The following NPHP4 variants were observed in gnomAD, a reference collection of about 807,000 sequenced individuals.
NPHP4 encodes the protein nephrocystin 4.
A neutral mutation model predicts 155.8 loss-of-function variants in NPHP4; 151 were observed. The observed-to-expected ratio is 0.97, with a 90% CI of 0.85 to 1.11. NPHP4 has a LOEUF of 1.11. Among genes scored for constraint, NPHP4 ranks in the 50% least tolerant of loss-of-function variants. The pLI, the probability that NPHP4 is intolerant of heterozygous loss-of-function variation, is 0.00. For missense variants in NPHP4, 1,956 were observed against 1,925.7 expected, an observed-to-expected ratio of 1.02 and a Z score of -0.29; for synonymous variants, 845 against 816.8, an observed-to-expected ratio of 1.03 and a Z score of -0.59.
chr1:5,888,466 CT>C, intron 17 of NPHP4: 2 of 1,206,580 alleles, frequency 1.7e-6, no homozygotes, highest in Non-Finnish European at 2.1e-6. Flanking sequence ...AGACCTGACC[CT>C]TCCCTTGTGG....
intron 3 of NPHP4, 46 bp from the exon 4 acceptor site, chr1:5,969,305 AC>A: frequency 7.3e-7 from 1 of 1,360,918 alleles, no homozygotes; most frequent in Non-Finnish European, 9.9e-7. Context: ...CAGGACACAC[AC>A]AAAGAGGACA....
chr1:5,899,498 T>C (rs1164241606), intron 16 of NPHP4, among the ~76,000 whole-genome samples: 1 of 152,044 alleles, frequency 6.6e-6, no homozygotes, highest in Admixed American at 6.6e-5. Flanking sequence ...TTGGGGGAGG[T>C]GAAGGACTGC....
intron 16 of NPHP4, among the ~76,000 whole-genome samples, chr1:5,899,181 C>A (rs1313121125): frequency 6.6e-6 from 1 of 152,162 alleles, no homozygotes; most frequent in African/African-American, 2.4e-5. Context: ...CACTACCAGG[C>A]ATATCTCTAA....
At chr1:5,981,411 A>C (rs1273069051) in intron 2 of NPHP4, among the ~76,000 whole-genome samples, 2 of 152,216 alleles carry the variant, frequency 1.3e-5, no homozygotes, top group Non-Finnish European at 2.9e-5. Context: ...CCCAATACAT[A>C]TCAAGCTGAA....
chr1:5,908,665 G>A (rs1196650057), intron 12 of NPHP4, among the ~76,000 whole-genome samples: 2 of 152,188 alleles, frequency 1.3e-5, no homozygotes, highest in African/African-American at 2.4e-5. Flanking sequence ...GGATCTGTGC[G>A]GTCGGACGTG....
At chr1:5,964,010 C>A (rs1650872640) in intron 5 of NPHP4, among the ~76,000 whole-genome samples, 1 of 152,168 alleles carries the variant, frequency 6.6e-6, no homozygotes, top group Non-Finnish European at 1.5e-5. Context: ...ACAGAAACCC[C>A]TAAGGGTCGG....
chr1:5,926,130 A>C (rs1165099898), intron 11 of NPHP4, among the ~76,000 whole-genome samples: 1 of 152,208 alleles, frequency 6.6e-6, no homozygotes, highest in Non-Finnish European at 1.5e-5. Flanking sequence ...GTTTATAAAG[A>C]TGGGATTATT....
chr1:5,925,895 G>A (rs1417397815), intron 11 of NPHP4, among the ~76,000 whole-genome samples: 1 of 152,200 alleles, frequency 6.6e-6, no homozygotes, highest in Non-Finnish European at 1.5e-5. Context: ...GATTACAGGC[G>A]TGAGCCACCG....
chr1:5,875,215 T>A (rs1642459937), intron 20 of NPHP4, 115 bp from the exon 21 acceptor site: 11 of 809,108 alleles, frequency 1.4e-5, no homozygotes, highest in South Asian at 6.1e-5. Flanking sequence ...TCCACAAGCA[T>A]CGCCACCACC....
intron 8 of NPHP4, among the ~76,000 whole-genome samples, 198 bp from the exon 9 acceptor site, chr1:5,947,428 G>T (rs114351158): frequency 2.1e-3 from 326 of 152,360 alleles, no homozygotes; most frequent in African/African-American, 7.5e-3. Context: ...CTTTTTAAGA[G>T]ATGGGGGTCT....
intron 10 of NPHP4, among the ~76,000 whole-genome samples, chr1:5,931,461 C>T (rs1030434064): frequency 4.0e-5 from 6 of 151,340 alleles, no homozygotes; most frequent in South Asian, 2.1e-4. Context: ...TATTGCTGGC[C>T]GGGTGCAGTG....
chr1:5,924,585 T>C lies in NPHP4; in HGVS notation c.1441+3064A>G, dbSNP rs562279589. 2.4e-3 allele frequency among the ~76,000 whole-genome samples: 358 copies of C among 152,308 alleles called. 1 individual carries two copies. The highest frequency in any genetic ancestry group is 8.4e-3 in the African/African-American group (351 of 41,552). The stretch of plus-strand genomic sequence containing the variant: ...AGCAGGATCAGCCCATCAGAGTTTA[T>C]AGTTAATTTGATTAGAAGGTCTTCA... On this transcript the variant is annotated intron_variant, in intron 11 of 29. Transcript: ENST00000378156.
intron 3 of NPHP4, among the ~76,000 whole-genome samples, chr1:5,975,372 G>C (rs1204346885): frequency 6.6e-6 from 1 of 152,176 alleles, no homozygotes; most frequent in Non-Finnish European, 1.5e-5. Flanking sequence ...TGCCCACACG[G>C]GGCATAGCAG....
chr1:5,985,668 T>C lies in NPHP4; in HGVS notation c.135+487A>G, dbSNP rs562625158. Among the ~76,000 whole-genome samples, 15 of 152,342 alleles carry C rather than the reference T, an allele frequency of 9.8e-5. 1 individual carries two copies. The South Asian group carries it at 2.5e-3, about 25-fold the overall frequency. On this transcript the variant is annotated intron_variant, in intron 2 of 29. Coordinates refer to ENST00000378156, the MANE Select transcript of NPHP4 (RefSeq NM_015102.5). ...AAGTGCTGACCATGTCATTGAATCA[T>C]AGATTCTCTTTGCTGATGGGCCACT... is the stretch of plus-strand genomic sequence containing the variant.
chr1:5,992,031 G>C (rs34031616), intron 1 of NPHP4, among the ~76,000 whole-genome samples: 27,583 of 151,750 alleles, frequency 0.18, 2,711 homozygotes, highest in African/African-American at 0.26. Flanking sequence ...GTCCCGACGA[G>C]GGGGGACGCC....
At position 5,927,675 on chromosome 1, in the gene NPHP4, G is replaced by C; in HGVS notation, c.1415C>G (p.Ser472Cys). 6.2e-7 allele frequency: 1 copy of C among 1,612,206 alleles called. No homozygotes were observed. The highest frequency in any genetic ancestry group is 8.5e-7 in the Non-Finnish European group (1 of 1,178,424). The change falls in exon 11 of 30, where the codon TCC becomes TGC. Residue 472 changes from serine to cysteine, a missense_variant. Ser to Cys is a moderately radical substitution (Grantham distance 112). Transcript: ENST00000378156. Reference protein sequence around the residue: ...VSGPKVERRPSRKPPTSPSSP... With the variant: ...VSGPKVERRPCRKPPTSPSSP... ...CGAAGGGGACGTGGGTGGTTTCCTG[G>C]AAGGCCGCCGCTCCACTTTGGGGCC...
chr1:5,952,815 C>G lies in NPHP4; in HGVS notation c.695G>C (p.Arg232Pro). Residue 232 changes from arginine (R) to proline (P), a missense_variant, in exon 7 of 30, where the codon CGC (arginine) becomes CCC (proline). Arg to Pro is a moderately radical substitution (Grantham distance 103). Transcript: ENST00000378156. Reference protein sequence around the residue: ...GESGDALRKPRLQKPITGHLD... With the variant: ...GESGDALRKPPLQKPITGHLD... ...GTGCCCCGTGATGGGCTTCTGGAGG[C>G]GAGGCTTTCGGAGAGCGTCGCCTGA... is the stretch of plus-strand genomic sequence containing the variant. 1.2e-6 allele frequency: 2 copies of G among 1,600,630 alleles called. No homozygotes were observed. The highest frequency in any genetic ancestry group is 1.7e-6 in the Non-Finnish European group (2 of 1,173,848).
At chr1:5,977,786 A>T (rs1433903875) in intron 3 of NPHP4, among the ~76,000 whole-genome samples, 1 of 135,184 alleles carries the variant, frequency 7.4e-6, no homozygotes, top group Non-Finnish European at 1.6e-5. Context: ...CCAGGCTCTG[A>T]TACCTGCTAC....
chr1:5,905,843 C>T lies in NPHP4; in HGVS notation c.1612-60G>A, dbSNP rs1347273631. ...AAGGACCCCAACCCGTAACAACCAA[C>T]GGTGCTCAGATCTAAGGGGATTCAT... On this transcript the variant is annotated intron_variant, in intron 13 of 29. Transcript: ENST00000378156. The surrounding 1 kb of genome is among the most constrained non-coding windows in gnomAD (Gnocchi z 4.0). 5 of 1,512,228 alleles carry T rather than the reference C, an allele frequency of 3.3e-6. No homozygotes were observed. The highest frequency in any genetic ancestry group is 2.4e-5 in the East Asian group (1 of 41,224). The allele number at this position is 1,512,228 out of a possible 1,614,324, so 93.7% of individuals were successfully genotyped here.
Sources: gnomAD v4.1 joint callset for allele counts (sites outside exome capture counted in the v4.1 genomes callset) on GRCh38, gnomAD v4.1.1 for gene constraint, Gnocchi (gnomAD v3.1) non-coding constraint, MANE v1.5 for transcripts, NCBI Gene and HGNC (gene_info 2026-07-23, HGNC 2026-07-21) for gene names.